Variants in SLC24A3 observed in about 807,000 individuals in gnomAD.
SLC24A3 encodes solute carrier family 24 member 3.
SLC24A3 carries 28 observed loss-of-function variants against 75.8 expected under a neutral mutation model. That is an observed-to-expected ratio of 0.37 (90% CI 0.27 to 0.51). The LOEUF (loss-of-function observed/expected upper bound fraction) is 0.51. Ranked by LOEUF, SLC24A3 falls within the 20% of genes least tolerant of loss-of-function variation. The pLI is 0.94. For missense variants in SLC24A3, 663 were observed against 847.8 expected (o/e 0.78, Z 2.71); for synonymous variants, 372 against 334.1 (o/e 1.11, Z -1.24).
At chr20:19,511,381 A>G (rs376687069) in intron 2 of SLC24A3, among the ~76,000 whole-genome samples, 42 of 148,716 alleles carry the variant, frequency 2.8e-4, no homozygotes, top group African/African-American at 1.1e-3. Context: ...AGGCTGGAGT[A>G]CAGTGGCGTG....
intron 9 of SLC24A3, 73 bp downstream of exon 9, chr20:19,673,727 G>T: frequency 7.6e-7 from 1 of 1,320,546 alleles, no homozygotes; most frequent in Non-Finnish European, 1.1e-6. Context: ...GTGGGAAGAG[G>T]ATTGGGGTGG....
At position 19,212,906 on chromosome 20, in the gene SLC24A3, C is replaced by T. The variant is rs772872781; in HGVS notation, c.64C>T (p.Leu22Phe). 15 of 1,343,624 alleles carry T rather than the reference C, an allele frequency of 1.1e-5. No homozygotes were observed. The South Asian group carries it at 1.7e-4, about 15-fold the overall frequency. 83.2% of individuals were successfully genotyped at this position (1,343,624 alleles called of 1,614,324 possible). ...CCGCCGCCGCCGCCGCCGGAGGGAC[C>T]TTCTGCTGAGCCAGCTCTGCTTCCT... ...RRRRRRRRRD[L>F]LLSQLCFLAS... is the part of the protein sequence containing the mutation. Residue 22 changes from leucine to phenylalanine, a missense_variant, in exon 1 of 17, where the codon CTT (leucine) becomes TTT (phenylalanine). Coordinates refer to ENST00000328041, the MANE Select transcript of SLC24A3 (RefSeq NM_020689.4).
intron 7 of SLC24A3, among the ~76,000 whole-genome samples, chr20:19,660,564 A>G (rs2032316010): frequency 6.6e-6 from 1 of 152,160 alleles, no homozygotes; most frequent in African/African-American, 2.4e-5. Flanking sequence ...TTAGTTTCAT[A>G]TCTTTGCAAC....
chr20:19,651,860 C>T (rs980772232), intron 6 of SLC24A3, among the ~76,000 whole-genome samples: 4 of 120,146 alleles, frequency 3.3e-5, no homozygotes, highest in Non-Finnish European at 6.9e-5. Context: ...GACTCCATCT[C>T]AAAAAAAAAA....
chr20:19,366,360 C>T (rs910368756), intron 2 of SLC24A3, among the ~76,000 whole-genome samples: 4 of 152,200 alleles, frequency 2.6e-5, no homozygotes, highest in Admixed American at 1.3e-4. Flanking sequence ...TTTTAAAAAA[C>T]GACCTTTAAA....
intron 7 of SLC24A3, among the ~76,000 whole-genome samples, chr20:19,661,378 G>A (rs2032324316): frequency 6.6e-6 from 1 of 152,078 alleles, no homozygotes; most frequent in Non-Finnish European, 1.5e-5. Flanking sequence ...GTGCCTAACA[G>A]CCAGCTTCCC....
chr20:19,243,133 A>G (rs966671601), intron 1 of SLC24A3, among the ~76,000 whole-genome samples: 1 of 152,228 alleles, frequency 6.6e-6, no homozygotes, highest in Non-Finnish European at 1.5e-5. Context: ...CTCTCCAAAT[A>G]ACTCTAAGAG....
At chr20:19,696,479 A>G (rs1600345653) in intron 13 of SLC24A3, 1 of 250,310 alleles carries the variant, frequency 4.0e-6, no homozygotes, top group African/African-American at 2.2e-5. Context: ...TAGTTCAAAT[A>G]TTCTGTCCCA....
At chr20:19,412,359 C>T (rs1986756691) in intron 2 of SLC24A3, among the ~76,000 whole-genome samples, 1 of 151,800 alleles carries the variant, frequency 6.6e-6, no homozygotes. Context: ...AAGATTGTGA[C>T]CATTCAGGTT....
At chr20:19,219,442 C>T (rs1286320015) in intron 1 of SLC24A3, among the ~76,000 whole-genome samples, 3 of 152,108 alleles carry the variant, frequency 2.0e-5, no homozygotes, top group Admixed American at 6.5e-5. Context: ...GCGTTGTCTT[C>T]GAGGGACACC....
intron 2 of SLC24A3, among the ~76,000 whole-genome samples, chr20:19,461,536 T>C (rs1449774132): frequency 6.4e-4 from 85 of 133,088 alleles, no homozygotes; most frequent in African/African-American, 2.1e-3. Context: ...TTTCTTTTTT[T>C]TTTTTTTTTT....
In SLC24A3 at chr20:19,594,508, T is replaced by C. The variant is rs577599521; in HGVS notation, c.612+8964T>C. On this transcript the variant is annotated intron_variant, in intron 6 of 16. Coordinates refer to ENST00000328041, the MANE Select transcript of SLC24A3 (RefSeq NM_020689.4). ...GTGTTCTAGGGAGAAATGTTTATTA[T>C]AGTCTTCTTTGGGCAGTAAGCTCAT... Among the ~76,000 whole-genome samples the C allele has an allele frequency of 6.6e-5, 10 of 152,396 alleles. 1 individual carries two copies. In the South Asian group the frequency reaches 1.9e-3, roughly 28 times the overall value.
intron 1 of SLC24A3, among the ~76,000 whole-genome samples, chr20:19,261,066 A>T (rs1165311494): frequency 6.6e-6 from 1 of 152,210 alleles, no homozygotes. Context: ...CCTTGCTTCA[A>T]GCTGCCTTGC....
intron 3 of SLC24A3, among the ~76,000 whole-genome samples, chr20:19,551,085 C>A (rs1326476371): frequency 6.6e-6 from 1 of 152,218 alleles, no homozygotes; most frequent in African/African-American, 2.4e-5. Flanking sequence ...GGAATGGATT[C>A]AGAGGAGCCA....
At chr20:19,652,101 T>A (rs1325747587) in intron 6 of SLC24A3, among the ~76,000 whole-genome samples, 13 of 152,240 alleles carry the variant, frequency 8.5e-5, no homozygotes, top group Admixed American at 8.5e-4. Context: ...CCTATCTTTA[T>A]TCTAACTTTT....
intron 2 of SLC24A3, among the ~76,000 whole-genome samples, chr20:19,471,978 C>A (rs1337574191): frequency 6.6e-6 from 1 of 152,174 alleles, no homozygotes; most frequent in Non-Finnish European, 1.5e-5. Flanking sequence ...CCATGTAGTT[C>A]TTTAAATCCC....
At chr20:19,686,326 T>C (rs2032675144) in intron 12 of SLC24A3, among the ~76,000 whole-genome samples, 1 of 152,154 alleles carries the variant, frequency 6.6e-6, no homozygotes, top group Admixed American at 6.5e-5. Context: ...CAGGGTGGTG[T>C]CCTCCTCTCC....
chr20:19,673,323 G>A (rs543289675), intron 8 of SLC24A3, among the ~76,000 whole-genome samples: 1 of 152,316 alleles, frequency 6.6e-6, no homozygotes, highest in South Asian at 2.1e-4. Context: ...ATTCAGCAAC[G>A]TGTATGAAAG....
chr20:19,410,498 A>G (rs909835322), intron 2 of SLC24A3, among the ~76,000 whole-genome samples: 1 of 152,162 alleles, frequency 6.6e-6, no homozygotes, highest in Admixed American at 6.5e-5. Context: ...GAAAGAGAAC[A>G]CTCAGGGACA....
Sources: gnomAD v4.1 joint callset for allele counts (sites outside exome capture counted in the v4.1 genomes callset) on GRCh38, gnomAD v4.1.1 for gene constraint, MANE v1.5 for transcripts, NCBI Gene and HGNC (gene_info 2026-07-23, HGNC 2026-07-21) for gene names.